Variants in EDA observed in about 807,000 individuals in gnomAD.
The protein encoded by EDA is ectodysplasin-A.
EDA carries 2 observed loss-of-function variants against 23.6 expected under a neutral mutation model. The observed-to-expected ratio is 0.08, with a 90% CI of 0.03 to 0.27. EDA has a LOEUF of 0.27. Among genes scored for constraint, EDA ranks in the 10% least tolerant of loss-of-function variants. The probability of loss-of-function intolerance (pLI) is 1.00; values close to 1 mark genes in which losing one functional copy is unlikely to be tolerated. For missense variants in EDA, 229 were observed against 324.2 expected (o/e 0.71, Z 2.26); for synonymous variants, 131 against 132.0 (o/e 0.99, Z 0.05).
chrX:69,860,994 A>C (rs2017372590), intron 1 of EDA: 1 of 504,698 alleles, frequency 2.0e-6, no homozygotes, highest in African/African-American at 2.3e-5. Context: ...CATCTTCAAT[A>C]ATAACTGTTA....
chrX:69,730,967 A>G (rs2013001315), intron 1 of EDA, among the ~76,000 whole-genome samples: 2 of 112,538 alleles, frequency 1.8e-5, no homozygotes, highest in South Asian at 7.3e-4. Context: ...AATATTTGAT[A>G]GAATTCTTCA....
At chrX:69,921,949 C>T (rs1009318213) in intron 1 of EDA, among the ~76,000 whole-genome samples, 21 of 111,609 alleles carry the variant, frequency 1.9e-4, no homozygotes, top group African/African-American at 6.8e-4. Flanking sequence ...GTCCCACCTA[C>T]TCAACCCTCC....
intron 1 of EDA, among the ~76,000 whole-genome samples, chrX:69,785,189 T>G (rs1343699376): frequency 1.0e-5 from 1 of 98,676 alleles, no homozygotes; most frequent in Admixed American, 1.1e-4. Flanking sequence ...AAGGAGATTT[T>G]GGGCTGAGAC....
intron 1 of EDA, among the ~76,000 whole-genome samples, chrX:69,764,234 C>CTTTTTTTTTTCTTTT (rs2014399550): frequency 2.2e-5 from 1 of 44,570 alleles, no homozygotes; most frequent in Non-Finnish European, 3.6e-5. Flanking sequence ...ATTTTTTATT[C>CTTTTTTTTTTCTTTT]TTTTTTTTTT....
chrX:70,014,802 A>G (rs889108038), intron 2 of EDA, among the ~76,000 whole-genome samples: 1 of 112,479 alleles, frequency 8.9e-6, no homozygotes, highest in Admixed American at 9.4e-5. Context: ...AGACTAAGCT[A>G]AGGAAGAACC....
intron 1 of EDA, among the ~76,000 whole-genome samples, chrX:69,625,833 C>CTTT (rs1176391668): frequency 1.0e-5 from 1 of 100,129 alleles, no homozygotes. Context: ...TGGAAAGAAA[C>CTTT]TTTTTTTTTT....
At chrX:69,925,957 T>C (rs770722048) in intron 1 of EDA, among the ~76,000 whole-genome samples, 1 of 111,025 alleles carries the variant, frequency 9.0e-6, no homozygotes, top group South Asian at 3.8e-4. Context: ...TAGAGATTTT[T>C]ATATTATTCT....
chrX:69,698,111 C>G (rs915094190), intron 1 of EDA, among the ~76,000 whole-genome samples: 6 of 111,745 alleles, frequency 5.4e-5, no homozygotes, highest in African/African-American at 2.0e-4. Flanking sequence ...GTGGCAGGAC[C>G]GTGATATTCG....
chrX:69,830,078 A>G (rs1404376864), intron 1 of EDA, among the ~76,000 whole-genome samples: 1 of 110,545 alleles, frequency 9.0e-6, no homozygotes, highest in Non-Finnish European at 1.9e-5. Flanking sequence ...GGCTCCTTTT[A>G]TCCCTATATT....
chrX:69,849,764 T>A (rs1242554162), intron 1 of EDA, among the ~76,000 whole-genome samples: 1 of 111,276 alleles, frequency 9.0e-6, no homozygotes, highest in Non-Finnish European at 1.9e-5. Context: ...GGAACTTTTT[T>A]AAAAATATGT....
chrX:69,873,327 A>T (rs1358175305), intron 1 of EDA, among the ~76,000 whole-genome samples: 3 of 112,050 alleles, frequency 2.7e-5, no homozygotes, highest in African/African-American at 9.7e-5. Flanking sequence ...CTAAGGTCAC[A>T]CCTCACAGAA....
At chrX:69,822,775 C>A (rs1387522805) in intron 1 of EDA, among the ~76,000 whole-genome samples, 1 of 108,425 alleles carries the variant, frequency 9.2e-6, no homozygotes, top group South Asian at 4.2e-4. Flanking sequence ...TACACATGTG[C>A]CATGCTGGTG....
intron 1 of EDA, among the ~76,000 whole-genome samples, chrX:69,793,009 G>A (rs1315059257): frequency 8.9e-6 from 1 of 112,038 alleles, no homozygotes; most frequent in Non-Finnish European, 1.9e-5. Context: ...TGTTGCATTT[G>A]CTTTTGTAGT....
At chrX:69,923,486 G>A (rs745319818) in intron 1 of EDA, among the ~76,000 whole-genome samples, 56 of 111,684 alleles carry the variant, frequency 5.0e-4, no homozygotes, top group African/African-American at 1.8e-3. Flanking sequence ...TTTTATGGCT[G>A]CGTAGTATTC....
chrX:69,895,954 A>C (rs1025137419), intron 1 of EDA, among the ~76,000 whole-genome samples: 9 of 112,316 alleles, frequency 8.0e-5, no homozygotes, highest in African/African-American at 2.9e-4. Flanking sequence ...CCTTAAGAAA[A>C]TACCACAAAC....
intron 1 of EDA, among the ~76,000 whole-genome samples, chrX:69,895,001 G>T (rs1259868215): frequency 9.0e-6 from 1 of 110,921 alleles, no homozygotes; most frequent in African/African-American, 3.3e-5. Context: ...TTCAAGGTGG[G>T]GTGCTTCCAG....
intron 1 of EDA, among the ~76,000 whole-genome samples, chrX:69,830,576 A>G (rs1406945001): frequency 8.9e-6 from 1 of 112,220 alleles, no homozygotes; most frequent in Non-Finnish European, 1.9e-5. Flanking sequence ...GAAAATCAAA[A>G]AAAAGAAATT....
At chrX:69,659,936 C>T (rs188697574) in intron 1 of EDA, among the ~76,000 whole-genome samples, 9 of 111,226 alleles carry the variant, frequency 8.1e-5, no homozygotes, top group South Asian at 3.8e-4. Flanking sequence ...GCGATTCTGA[C>T]GCACAGCCAA....
chrX:69,654,616 C>G (rs1250870715), intron 1 of EDA, among the ~76,000 whole-genome samples: 1 of 111,528 alleles, frequency 9.0e-6, no homozygotes, highest in Non-Finnish European at 1.9e-5. Context: ...ACTATGCAGC[C>G]ATAAAAAATG....
Sources: gnomAD v4.1 joint callset for allele counts (sites outside exome capture counted in the v4.1 genomes callset) on GRCh38, gnomAD v4.1.1 for gene constraint, MANE v1.5 for transcripts, NCBI Gene and HGNC (gene_info 2026-07-23, HGNC 2026-07-21) for gene names.